The following MARS1 variants were observed in gnomAD, a reference collection of about 807,000 sequenced individuals.
MARS1 encodes the protein methionine--tRNA ligase, cytoplasmic.
In MARS1, 80 loss-of-function variants were observed where a neutral mutation model predicts 119.5. The ratio of observed to expected loss-of-function variants is 0.67; its 90% CI spans 0.56 to 0.81. MARS1 has a LOEUF of 0.81. Among genes scored for constraint, MARS1 ranks in the 30% least tolerant of loss-of-function variants. The pLI is 0.00. For synonymous variants in MARS1, 418 were observed against 433.4 expected, an observed-to-expected ratio of 0.96 and a Z score of 0.44; for missense variants, 945 against 1,116.5, an observed-to-expected ratio of 0.85 and a Z score of 2.19.
At chr12:57,511,965 T>C in intron 12 of MARS1, 43 bp from the exon 13 acceptor site, 1 of 1,606,832 alleles carries the variant, frequency 6.2e-7, no homozygotes, top group Non-Finnish European at 8.5e-7. Flanking sequence ...AGTTTGAGAC[T>C]TTGGATTGGT....
intron 10 of MARS1, among the ~76,000 whole-genome samples, chr12:57,503,649 A>G (rs1053818696): frequency 1.5e-4 from 23 of 151,508 alleles, no homozygotes; most frequent in Non-Finnish European, 2.1e-4. Context: ...GGTTCAAGCA[A>G]TTCTGCCTCA....
At position 57,490,727 on chromosome 12, in the gene MARS1, C is replaced by A. The variant is rs1162254046; in HGVS notation, c.770+83C>A. 6 of 1,049,084 alleles carry A rather than the reference C, an allele frequency of 5.7e-6. No homozygotes were observed. In the South Asian group the frequency reaches 6.4e-5, roughly 11 times the overall value. The allele number at this position is 1,049,084 out of a possible 1,614,324, so 65.0% of individuals were successfully genotyped here. On this transcript the variant is annotated intron_variant, in intron 7 of 20. Transcript: ENST00000262027. ...GAGCCAGAACCTGCCTGCTAGGTCC[C>A]GTTTGCTGATCTCTCTTTAATTTTT... is the stretch of plus-strand genomic sequence containing the variant.
chr12:57,504,790 G>A (rs1877103726), intron 11 of MARS1, among the ~76,000 whole-genome samples: 1 of 141,446 alleles, frequency 7.1e-6, no homozygotes, highest in Non-Finnish European at 1.5e-5. Context: ...TGCAACCTTC[G>A]CCTCCTGGGT....
At chr12:57,508,485 C>A (rs1877342751) in intron 11 of MARS1, among the ~76,000 whole-genome samples, 1 of 152,256 alleles carries the variant, frequency 6.6e-6, no homozygotes, top group South Asian at 2.1e-4. Flanking sequence ...ACAGCGAAAC[C>A]CCGTCTCTAC....
intron 5 of MARS1, 66 bp downstream of exon 5, chr12:57,490,037 A>G (rs1297122295): frequency 1.3e-6 from 2 of 1,506,280 alleles, no homozygotes; most frequent in East Asian, 4.5e-5. Context: ...TGGGCAGTAG[A>G]ATACTGAGAA....
At chr12:57,513,614 C>CAAAAAA (rs34526594) in intron 15 of MARS1, among the ~76,000 whole-genome samples, 5 of 74,416 alleles carry the variant, frequency 6.7e-5, no homozygotes, top group Non-Finnish European at 1.0e-4. Context: ...GATCCTGTCT[C>CAAAAAA]AAAAAAAAAA....
intron 7 of MARS1, among the ~76,000 whole-genome samples, chr12:57,495,747 C>G (rs1410543594): frequency 6.6e-6 from 1 of 152,214 alleles, no homozygotes. Context: ...GTCTGCAATC[C>G]CAGCACCTCA....
chr12:57,508,285 G>A (rs973185785), intron 11 of MARS1, among the ~76,000 whole-genome samples: 2 of 152,186 alleles, frequency 1.3e-5, no homozygotes, highest in African/African-American at 2.4e-5. Context: ...CTGCAATCTC[G>A]GCACTTTGGG....
chr12:57,501,312 T>C (rs977197986), intron 10 of MARS1, among the ~76,000 whole-genome samples: 5 of 152,178 alleles, frequency 3.3e-5, no homozygotes, highest in Admixed American at 2.0e-4. Context: ...TGTGAAGCCA[T>C]TGTGGGAATT....
At chr12:57,506,957 T>G (rs1877209293) in intron 11 of MARS1, among the ~76,000 whole-genome samples, 1 of 149,666 alleles carries the variant, frequency 6.7e-6, no homozygotes. Context: ...GATAAACAAG[T>G]GAACAAAGGT....
At chr12:57,512,689 G>C (rs1157391313) in intron 14 of MARS1, 62 bp from the exon 15 acceptor site, 1 of 1,275,370 alleles carries the variant, frequency 7.8e-7, no homozygotes, top group Non-Finnish European at 1.1e-6. Flanking sequence ...AAGAGTTAGT[G>C]GGCTAGAGAG....
chr12:57,488,827 C>G (rs1396349940), intron 1 of MARS1, 192 bp from the exon 2 acceptor site: 5 of 779,226 alleles, frequency 6.4e-6, no homozygotes. Flanking sequence ...GCAGTTTCAG[C>G]TGAACACCTG....
intron 7 of MARS1, among the ~76,000 whole-genome samples, chr12:57,495,805 C>T (rs1876593350): frequency 6.6e-6 from 1 of 152,200 alleles, no homozygotes; most frequent in African/African-American, 2.4e-5. Flanking sequence ...TGGAGACCAG[C>T]CCGGCCAACA....
chr12:57,493,836 T>TA (rs372876701), intron 7 of MARS1, among the ~76,000 whole-genome samples: 40 of 706 alleles, frequency 0.057, 17 homozygotes, highest in South Asian at 0.33. Flanking sequence ...ATATTATATA[T>TA]TATAATATAT....
intron 11 of MARS1, among the ~76,000 whole-genome samples, chr12:57,506,743 T>C (rs532251772): frequency 6.7e-6 from 1 of 149,432 alleles, no homozygotes; most frequent in Admixed American, 6.7e-5. Context: ...GTGTTGTGAT[T>C]TCAGCTCACT....
rs200334446 is a variant in MARS1 at position 57,490,377 on chromosome 12, G to A, written c.661G>A (p.Glu221Lys). Residue 221 changes from glutamate (E) to lysine (K), a missense_variant and splice_region_variant, in exon 6 of 21, where the codon GAG becomes AAG. Transcript: ENST00000262027. ...AEGRAVTNEPEEEELATLSEE... is the reference protein window; with the variant it reads ...AEGRAVTNEPKEEELATLSEE... ...GGGAAGGGCTGTCACCAATGAGCCT[G>A]AGGTTTGGAATAGGGCAGAGCCTTG... 4.2e-4 allele frequency: 671 copies of A among 1,612,464 alleles called. No homozygotes were observed. Among genetic ancestry groups the A allele is most frequent in the Non-Finnish European group, 5.3e-4 (631 of 1,179,960 alleles).
At position 57,488,863 on chromosome 12, in the gene MARS1, C is replaced by T. The variant is rs544762447; in HGVS notation, c.110-156C>T. On this transcript the variant is annotated intron_variant, in intron 1 of 20. Coordinates refer to ENST00000262027, the MANE Select transcript of MARS1 (RefSeq NM_004990.4). ...CTGGCCTCTCCAGCCCATTCCGGAC[C>T]ACCCCCTTTCAGTGGTCCTATCCTG... 899 of 763,464 alleles carry T rather than the reference C, an allele frequency of 1.2e-3. 5 individuals carry two copies. Among genetic ancestry groups the T allele is most frequent in the Non-Finnish European group, 1.4e-3 (674 of 469,266 alleles). The allele number at this position is 763,464 out of a possible 1,614,324, so 47.3% of individuals were successfully genotyped here.
At chr12:57,498,656 T>A (rs1359134734) in intron 9 of MARS1, 33 bp downstream of exon 9, 1 of 1,599,314 alleles carries the variant, frequency 6.3e-7, no homozygotes, top group Non-Finnish European at 8.6e-7. Context: ...GAAATGGGGC[T>A]TGAAGGCTGA....
At chr12:57,496,009 A>G (rs1411013320) in intron 7 of MARS1, among the ~76,000 whole-genome samples, 3 of 152,212 alleles carry the variant, frequency 2.0e-5, no homozygotes, top group Middle Eastern at 3.4e-3. Context: ...AGACCGTGGA[A>G]AGTCGGAGAC....
Sources: allele counts gnomAD v4.1 joint callset (sites outside exome capture counted in the v4.1 genomes callset), GRCh38; gene constraint gnomAD v4.1.1; transcripts MANE v1.5; gene names NCBI Gene and HGNC (gene_info 2026-07-23, HGNC 2026-07-21).